The following PHLDB2 variants were observed in gnomAD, a reference collection of about 807,000 sequenced individuals.
PHLDB2 encodes pleckstrin homology-like domain family B member 2.
Under a neutral mutation model 123.6 loss-of-function variants are expected in PHLDB2, and 71 were observed. The observed-to-expected ratio is 0.57, with a 90% CI of 0.47 to 0.70. PHLDB2 has a LOEUF of 0.70. Ranked by LOEUF, PHLDB2 falls within the 30% of genes least tolerant of loss-of-function variation. The pLI is 0.00. For missense variants in PHLDB2, 1,446 were observed against 1,519.5 expected (o/e 0.95, Z 0.80); for synonymous variants, 547 against 541.6 (o/e 1.01, Z -0.14).
intron 1 of PHLDB2, among the ~76,000 whole-genome samples, chr3:111,780,921 C>T (rs564946827): frequency 2.6e-5 from 4 of 152,182 alleles, no homozygotes; most frequent in South Asian, 4.1e-4. Flanking sequence ...CTCTATAGCA[C>T]ACTGAATCTT....
chr3:111,735,165 C>T (rs1172886695), intron 1 of PHLDB2, among the ~76,000 whole-genome samples: 2 of 152,184 alleles, frequency 1.3e-5, no homozygotes, highest in Non-Finnish European at 2.9e-5. Context: ...CAAGAATTTA[C>T]TATCTCATCT....
Position 111,913,409 on chromosome 3 carries a change from G to A in PHLDB2, c.1426G>A (p.Val476Met), listed in dbSNP as rs780271517. 6.2e-7 allele frequency: 1 copy of A among 1,614,146 alleles called. No individual in the cohort carries two copies. Among genetic ancestry groups the A allele is most frequent in the South Asian group, 1.1e-5 (1 of 91,078 alleles). The part of the protein sequence containing the change: ...RLSTGTTVED[V>M]QKINKELEKL... ...ATCTACTGGGACCACCGTGGAAGAT[G>A]TGCAGAAAATCAACAAGGAGCTTGA... Residue 476 changes from valine (V) to methionine (M), a missense_variant, in exon 3 of 18, where the codon GTG becomes ATG. Val to Met is a conservative substitution (Grantham distance 21). Transcript: ENST00000431670.
At chr3:111,964,826 T>A (rs544026103) in intron 13 of PHLDB2, among the ~76,000 whole-genome samples, 1 of 152,132 alleles carries the variant, frequency 6.6e-6, no homozygotes, top group African/African-American at 2.4e-5. Flanking sequence ...ATTGACTATA[T>A]GAAAAAAAGG....
intron 16 of PHLDB2, among the ~76,000 whole-genome samples, chr3:111,972,532 GT>G (rs1559930342): frequency 9.1e-6 from 1 of 110,064 alleles, no homozygotes; most frequent in African/African-American, 2.7e-5. Context: ...CTGATCTCTC[GT>G]TTTTAAGCCT....
chr3:111,894,437 G>T (rs1056261525), intron 2 of PHLDB2, among the ~76,000 whole-genome samples: 161 of 151,930 alleles, frequency 1.1e-3, no homozygotes, highest in African/African-American at 3.8e-3. Flanking sequence ...GTAATGGGAT[G>T]GCTGGGTCAA....
chr3:111,800,238 C>T (rs985259778), intron 1 of PHLDB2, among the ~76,000 whole-genome samples: 13 of 152,258 alleles, frequency 8.5e-5, no homozygotes, highest in South Asian at 2.1e-4. Flanking sequence ...AATTCGTGGG[C>T]TCAAGTTTCT....
At chr3:111,920,692 G>A (rs924323118) in intron 5 of PHLDB2, among the ~76,000 whole-genome samples, 4 of 152,134 alleles carry the variant, frequency 2.6e-5, no homozygotes, top group African/African-American at 9.7e-5. Context: ...TGCGTTGTTT[G>A]TTTGCTTTTT....
intron 1 of PHLDB2, among the ~76,000 whole-genome samples, chr3:111,838,914 T>C (rs1168634570): frequency 6.6e-6 from 1 of 152,246 alleles, no homozygotes; most frequent in Non-Finnish European, 1.5e-5. Context: ...GTGAACATTC[T>C]ATCTAGGAAG....
chr3:111,906,194 G>T (rs2067524012), intron 2 of PHLDB2, among the ~76,000 whole-genome samples: 1 of 152,178 alleles, frequency 6.6e-6, no homozygotes, highest in Non-Finnish European at 1.5e-5. Flanking sequence ...ATACTATATA[G>T]GTTTGAGTAA....
At chr3:111,838,250 C>T (rs1301208163) in intron 1 of PHLDB2, among the ~76,000 whole-genome samples, 1 of 152,172 alleles carries the variant, frequency 6.6e-6, no homozygotes, top group East Asian at 1.9e-4. Context: ...GTCTTCCCGC[C>T]TTTATCTCCT....
chr3:111,794,244 T>TGCCC (rs111617013), intron 1 of PHLDB2, among the ~76,000 whole-genome samples: 13,492 of 152,048 alleles, frequency 0.089, 1,263 homozygotes, highest in African/African-American at 0.23. Context: ...TGCCGATTTC[T>TGCCC]GCCCTGCTTT....
intron 1 of PHLDB2, among the ~76,000 whole-genome samples, chr3:111,869,464 GAAAAAA>G: frequency 1.8e-4 from 1 of 5,476 alleles, no homozygotes; most frequent in Non-Finnish European, 2.3e-3. Context: ...TCAAAAAAAA[GAAAAAA>G]AAAAGGAAAA....
At position 111,750,717 on chromosome 3, in the gene PHLDB2, G is replaced by A. The variant is rs572612487; in HGVS notation, c.-49+18014G>A. On this transcript the variant is annotated intron_variant, in intron 1 of 17. Coordinates refer to the PHLDB2 transcript ENST00000393923. ...TCCCAGCCCTTTGGGAGGTCAAGGC[G>A]GGCAGATCTCTTGAGGCCAAGAGCT... Among the ~76,000 whole-genome samples, 8 of 152,024 alleles carry A rather than the reference G, an allele frequency of 5.3e-5. 1 individual carries two copies. Among genetic ancestry groups the A allele is most frequent in the Admixed American group, 2.6e-4 (4 of 15,274 alleles).
At chr3:111,846,526 T>C (rs2063992923) in intron 2 of PHLDB2, 2 of 152,680 alleles carry the variant, frequency 1.3e-5, no homozygotes, top group Admixed American at 1.3e-4. Flanking sequence ...GGTTACCTAG[T>C]TTCAGCCAAT....
rs762488121 is a variant in PHLDB2, at chr3:111,917,550, C to T, written c.1720-1522C>T. The T allele has an allele frequency of 1.5e-4, 23 of 152,274 alleles. 1 individual carries two copies. The highest frequency in any genetic ancestry group is 4.8e-4 in the African/African-American group (20 of 41,548). 9.4% of individuals were successfully genotyped at this position (152,274 alleles called of 1,614,324 possible). On this transcript the variant is annotated intron_variant, in intron 3 of 17. Transcript: ENST00000431670. ...GGCATTCCTCATGGCTTAAAACAGG[C>T]ACCTTAGTATTAGGACAATGAGCTT...
intron 6 of PHLDB2, among the ~76,000 whole-genome samples, chr3:111,937,804 A>C (rs1021896122): frequency 6.6e-6 from 1 of 151,816 alleles, no homozygotes; most frequent in African/African-American, 2.4e-5. Context: ...AAAAAAAAGG[A>C]AAAGAAAAAG....
intron 1 of PHLDB2, among the ~76,000 whole-genome samples, chr3:111,734,836 G>C (rs895160336): frequency 6.6e-6 from 1 of 152,152 alleles, no homozygotes. Flanking sequence ...GGTAAGCAAG[G>C]CTGACTAATA....
At chr3:111,732,695 G>A (rs1383350523) in exon 1 of PHLDB2, 11 of 1,535,142 alleles carry the variant, frequency 7.2e-6, no homozygotes, top group Non-Finnish European at 9.6e-6. Context: ...TTGAAAAGCA[G>A]CAGACAAGGT....
At chr3:111,734,501 C>G (rs1055540461) in intron 1 of PHLDB2, among the ~76,000 whole-genome samples, 17 of 152,270 alleles carry the variant, frequency 1.1e-4, no homozygotes, top group African/African-American at 4.1e-4. Context: ...CAGGTCTGAC[C>G]TGTCCTTTTT....
Sources: gnomAD v4.1 joint callset for allele counts (sites outside exome capture counted in the v4.1 genomes callset) on GRCh38, gnomAD v4.1.1 for gene constraint, MANE v1.5 for transcripts, NCBI Gene and HGNC (gene_info 2026-07-23, HGNC 2026-07-21) for gene names.